The following IMMP2L variants were observed in gnomAD, a reference collection of about 807,000 sequenced individuals.
IMMP2L encodes the protein inner mitochondrial membrane peptidase subunit 2.
Under a neutral mutation model 19.3 loss-of-function variants are expected in IMMP2L, and 18 were observed. The observed-to-expected ratio is 0.93, with a 90% confidence interval of 0.64 to 1.38. The LOEUF is 1.38. IMMP2L is among the 40% of genes most tolerant of loss of function. IMMP2L has a pLI of 0.00. For missense variants in IMMP2L, 233 were observed against 218.2 expected, an observed-to-expected ratio of 1.07 and a Z score of -0.43; for synonymous variants, 76 against 73.0, an observed-to-expected ratio of 1.04 and a Z score of -0.21.
At chr7:111,182,079 C>G (rs1807772056) in intron 3 of IMMP2L, among the ~76,000 whole-genome samples, 1 of 151,904 alleles carries the variant, frequency 6.6e-6, no homozygotes, top group South Asian at 2.1e-4. Context: ...TCCTAAGTGT[C>G]AGAAGAGGGA....
intron 5 of IMMP2L, among the ~76,000 whole-genome samples, chr7:110,765,237 TAATA>T (rs1393953063): frequency 6.6e-6 from 1 of 152,172 alleles, no homozygotes; most frequent in Non-Finnish European, 1.5e-5. Context: ...TCTATGCCTA[TAATA>T]AATTAGATTG....
In IMMP2L at chr7:111,123,612, T is replaced by C. The variant is rs1184478232; in HGVS notation, c.240-160047A>G. 2 of 1,613,612 alleles carry C rather than the reference T, an allele frequency of 1.2e-6. No homozygotes were observed. The highest frequency in any genetic ancestry group is 1.7e-6 in the Non-Finnish European group (2 of 1,179,726). ...TTAATAGAATACGAAGGGGTGATTT[T>C]AGCAATATGCTACACTTAAAAGAGT... On this transcript the variant is annotated intron_variant, in intron 3 of 5. Coordinates refer to ENST00000405709, the MANE Select transcript of IMMP2L (RefSeq NM_032549.4). The surrounding 1 kb of genome is among the most constrained non-coding windows in gnomAD (Gnocchi z 6.4).
At chr7:110,836,917 T>C (rs577696812) in intron 5 of IMMP2L, among the ~76,000 whole-genome samples, 6 of 152,294 alleles carry the variant, frequency 3.9e-5, no homozygotes, top group Middle Eastern at 3.4e-3. Context: ...CTGATGGCCA[T>C]GTGAATTACC....
chr7:110,762,709 T>C (rs929183670), intron 5 of IMMP2L, among the ~76,000 whole-genome samples: 3 of 152,186 alleles, frequency 2.0e-5, no homozygotes, highest in African/African-American at 7.2e-5. Flanking sequence ...GGAAATCTTA[T>C]CTGCTGAACT....
intron 2 of IMMP2L, among the ~76,000 whole-genome samples, chr7:111,509,626 A>G (rs1388241521): frequency 6.6e-6 from 1 of 152,146 alleles, no homozygotes; most frequent in Non-Finnish European, 1.5e-5. Context: ...AGTAATTACA[A>G]TTTAAGTATT....
intron 3 of IMMP2L, among the ~76,000 whole-genome samples, chr7:111,376,212 GT>G (rs1260328521): frequency 6.6e-6 from 1 of 151,922 alleles, no homozygotes; most frequent in Admixed American, 6.6e-5. Context: ...AATCTGACAA[GT>G]TTTTTGGTAA....
intron 4 of IMMP2L, among the ~76,000 whole-genome samples, chr7:110,887,959 G>A (rs115881298): frequency 0.018 from 2,694 of 151,948 alleles, 80 homozygotes; most frequent in African/African-American, 0.062. Flanking sequence ...GCAGAATAAT[G>A]TATTTTAAAA....
At chr7:110,874,232 T>C (rs1031142822) in intron 5 of IMMP2L, among the ~76,000 whole-genome samples, 2 of 152,004 alleles carry the variant, frequency 1.3e-5, no homozygotes, top group Admixed American at 1.3e-4. Flanking sequence ...AAACAGAGAA[T>C]GCTGTAAATA....
intron 5 of IMMP2L, among the ~76,000 whole-genome samples, chr7:110,855,002 A>T (rs1806613220): frequency 6.6e-6 from 1 of 152,040 alleles, no homozygotes; most frequent in African/African-American, 2.4e-5. Context: ...AATTAAACTC[A>T]TGAAAGGACA....
At position 111,177,931 on chromosome 7, in the gene IMMP2L, T is replaced by C. The variant is rs553528618; in HGVS notation, c.240-214366A>G. On this transcript the variant is annotated intron_variant, in intron 3 of 5. Transcript: ENST00000405709. ...TGTGTGCCTTTTCCTGGGTATTCAT[T>C]TTTTGTTTTATTATAAAAATGAGAT... Among the ~76,000 whole-genome samples, 183 of 152,190 alleles carry C rather than the reference T, an allele frequency of 1.2e-3. 1 individual carries two copies. The highest frequency in any genetic ancestry group is 4.4e-3 in the African/African-American group (181 of 41,542).
At chr7:111,499,999 G>T (rs1844014533) in intron 2 of IMMP2L, among the ~76,000 whole-genome samples, 1 of 152,152 alleles carries the variant, frequency 6.6e-6, no homozygotes, top group African/African-American at 2.4e-5. Context: ...GCCAAAGCAG[G>T]GTGAGGCATT....
intron 3 of IMMP2L, among the ~76,000 whole-genome samples, chr7:111,146,843 G>C (rs923058345): frequency 2.0e-5 from 3 of 152,070 alleles, no homozygotes; most frequent in Non-Finnish European, 4.4e-5. Flanking sequence ...GGTGCCAGAG[G>C]TAACACTGAG....
At chr7:111,481,268 G>C (rs1842162083) in intron 3 of IMMP2L, among the ~76,000 whole-genome samples, 1 of 152,108 alleles carries the variant, frequency 6.6e-6, no homozygotes, top group Non-Finnish European at 1.5e-5. Flanking sequence ...AGACATACCA[G>C]GGCCAGAATG....
intron 5 of IMMP2L, among the ~76,000 whole-genome samples, chr7:110,746,603 C>A (rs755661625): frequency 6.6e-6 from 1 of 152,184 alleles, no homozygotes; most frequent in Non-Finnish European, 1.5e-5. Flanking sequence ...GAAACTCACT[C>A]AAAACTGCAC....
chr7:111,267,183 T>C (rs982697568), intron 3 of IMMP2L, among the ~76,000 whole-genome samples: 1 of 152,038 alleles, frequency 6.6e-6, no homozygotes, highest in African/African-American at 2.4e-5. Context: ...AGCTGTGGGG[T>C]TGATAATCTT....
intron 3 of IMMP2L, among the ~76,000 whole-genome samples, chr7:111,094,740 A>G (rs552324126): frequency 2.6e-5 from 4 of 152,284 alleles, no homozygotes; most frequent in Admixed American, 6.5e-5. Context: ...TTAGACATCT[A>G]CGAAGTCACT....
chr7:110,684,589 T>C (rs549068629), intron 5 of IMMP2L, among the ~76,000 whole-genome samples: 4 of 152,042 alleles, frequency 2.6e-5, no homozygotes, highest in Admixed American at 1.3e-4. Flanking sequence ...GTTAAAACTC[T>C]TGATGCTTTA....
intron 3 of IMMP2L, among the ~76,000 whole-genome samples, chr7:111,108,123 C>T (rs144991476): frequency 6.6e-5 from 10 of 151,942 alleles, no homozygotes; most frequent in Non-Finnish European, 1.0e-4. Context: ...AGATTCTTAA[C>T]CCCAGTCTGG....
intron 5 of IMMP2L, among the ~76,000 whole-genome samples, chr7:110,788,425 T>G (rs1455351054): frequency 1.3e-5 from 2 of 149,778 alleles, no homozygotes; most frequent in Non-Finnish European, 2.9e-5. Context: ...TTAGTAGCAC[T>G]GGCTACTTAT....
Sources: allele counts gnomAD v4.1 joint callset (sites outside exome capture counted in the v4.1 genomes callset), GRCh38; gene constraint gnomAD v4.1.1; non-coding constraint Gnocchi (gnomAD v3.1); transcripts MANE v1.5; gene names NCBI Gene and HGNC (gene_info 2026-07-23, HGNC 2026-07-21).